METTL15: variants seen among roughly 807,000 people sequenced by gnomAD.
The protein encoded by METTL15 is 12S rRNA N(4)-cytidine methyltransferase METTL15.
Under a neutral mutation model 38.3 loss-of-function variants are expected in METTL15, and 34 were observed. That is an observed-to-expected ratio of 0.89 (90% CI 0.68 to 1.18). The LOEUF (loss-of-function observed/expected upper bound fraction) is 1.18, where lower values mean the gene tolerates loss of function less well. METTL15 is among the 50% of genes most tolerant of loss of function. The probability of loss-of-function intolerance (pLI) is 0.00; values close to 1 mark genes in which losing one functional copy is unlikely to be tolerated. For missense variants in METTL15, 438 were observed against 498.4 expected (o/e 0.88, Z 1.15); for synonymous variants, 162 against 170.9 (o/e 0.95, Z 0.41).
At chr11:28,467,830 A>G (rs1476769058) in intron 6 of METTL15, among the ~76,000 whole-genome samples, 1 of 152,234 alleles carries the variant, frequency 6.6e-6, no homozygotes, top group East Asian at 1.9e-4. Context: ...TAAAGAGGGT[A>G]GTAAGCTATA....
intron 6 of METTL15, among the ~76,000 whole-genome samples, chr11:28,500,682 C>T (rs986767417): frequency 6.6e-6 from 1 of 152,282 alleles, no homozygotes; most frequent in Middle Eastern, 3.4e-3. Flanking sequence ...ACCACCAAGC[C>T]TAGCTAATTT....
intron 3 of METTL15, among the ~76,000 whole-genome samples, chr11:28,344,847 G>A (rs528059451): frequency 5.7e-4 from 87 of 152,276 alleles, no homozygotes; most frequent in African/African-American, 2.0e-3. Context: ...TAGCCACATT[G>A]TAATTATACA....
At chr11:28,211,759 A>C (rs1177439834) in intron 4 of METTL15, among the ~76,000 whole-genome samples, 2 of 152,066 alleles carry the variant, frequency 1.3e-5, no homozygotes, top group African/African-American at 2.4e-5. Context: ...TTAAAGAAAC[A>C]TTTTGAATTA....
At chr11:28,157,677 C>T (rs1282247658) in intron 3 of METTL15, among the ~76,000 whole-genome samples, 1 of 152,130 alleles carries the variant, frequency 6.6e-6, no homozygotes, top group Non-Finnish European at 1.5e-5. Flanking sequence ...AGCATTCCAT[C>T]ATCAAATGGA....
chr11:28,139,979 C>A (rs556131321), intron 3 of METTL15, among the ~76,000 whole-genome samples: 2 of 152,020 alleles, frequency 1.3e-5, no homozygotes, highest in African/African-American at 4.8e-5. Context: ...AGACCCATGG[C>A]GGGAGTTGGT....
At chr11:28,280,725 GT>G (rs1856024229) in intron 4 of METTL15, among the ~76,000 whole-genome samples, 1 of 143,740 alleles carries the variant, frequency 7.0e-6, no homozygotes, top group Non-Finnish European at 1.5e-5. Flanking sequence ...AATCTGAATA[GT>G]TTCTAATGAA....
At chr11:28,115,957 C>CAT (rs1851935015) in intron 3 of METTL15, among the ~76,000 whole-genome samples, 1 of 151,390 alleles carries the variant, frequency 6.6e-6, no homozygotes, top group Admixed American at 6.6e-5. Context: ...CACACACACA[C>CAT]ACACACACAA....
At chr11:28,200,760 G>A (rs996807724) in intron 3 of METTL15, among the ~76,000 whole-genome samples, 12 of 152,104 alleles carry the variant, frequency 7.9e-5, no homozygotes, top group Non-Finnish European at 1.6e-4. Context: ...CATTGATTTT[G>A]TATCCTGATA....
At chr11:28,514,787 A>AT (rs1455473273) in intron 6 of METTL15, among the ~76,000 whole-genome samples, 1 of 152,174 alleles carries the variant, frequency 6.6e-6, no homozygotes, top group Non-Finnish European at 1.5e-5. Context: ...TTAAATGAGA[A>AT]TTTTACTACA....
At chr11:28,271,089 G>T (rs568036533) in intron 4 of METTL15, among the ~76,000 whole-genome samples, 2 of 152,220 alleles carry the variant, frequency 1.3e-5, no homozygotes, top group African/African-American at 4.8e-5. Flanking sequence ...TGTTATTTTA[G>T]AAATCTATTA....
At chr11:28,124,272 C>T (rs1254949275) in intron 3 of METTL15, among the ~76,000 whole-genome samples, 1 of 152,102 alleles carries the variant, frequency 6.6e-6, no homozygotes, top group East Asian at 1.9e-4. Context: ...GCCCCTTAAT[C>T]CCTTAGGACA....
chr11:28,417,982 A>G (rs1391725643), intron 5 of METTL15, among the ~76,000 whole-genome samples: 1 of 152,156 alleles, frequency 6.6e-6, no homozygotes, highest in Non-Finnish European at 1.5e-5. Flanking sequence ...TCAATCATAA[A>G]TTATTCTAAC....
chr11:28,378,761 GT>G (rs61227879), intron 5 of METTL15, among the ~76,000 whole-genome samples: 29,439 of 123,632 alleles, frequency 0.24, 2,666 homozygotes, highest in Middle Eastern at 0.29. Context: ...CTCCTCTTCA[GT>G]TTTTTTTTTT....
intron 6 of METTL15, among the ~76,000 whole-genome samples, chr11:28,501,048 T>A (rs931242164): frequency 6.6e-6 from 1 of 152,218 alleles, no homozygotes; most frequent in East Asian, 1.9e-4. Flanking sequence ...TATTCTCATA[T>A]TCCCACTATC....
chr11:28,351,800 T>G (rs1215812168), intron 3 of METTL15, among the ~76,000 whole-genome samples: 1 of 152,186 alleles, frequency 6.6e-6, no homozygotes, highest in African/African-American at 2.4e-5. Flanking sequence ...TATTGACAGG[T>G]CTTAAAGAAA....
At chr11:28,316,099 C>T (rs182401116) in intron 6 of METTL15, among the ~76,000 whole-genome samples, 5 of 152,158 alleles carry the variant, frequency 3.3e-5, no homozygotes, top group Non-Finnish European at 7.3e-5. Flanking sequence ...TCCTCCAGAC[C>T]GCAGAATGGT....
At chr11:28,377,732 A>G (rs891470296) in intron 5 of METTL15, among the ~76,000 whole-genome samples, 3 of 152,070 alleles carry the variant, frequency 2.0e-5, no homozygotes, top group Non-Finnish European at 4.4e-5. Context: ...GAGGAGAGGC[A>G]CTCTGCTTTT....
At chr11:28,251,692 C>T (rs1296162585) in intron 4 of METTL15, among the ~76,000 whole-genome samples, 2 of 151,978 alleles carry the variant, frequency 1.3e-5, no homozygotes, top group African/African-American at 4.8e-5. Context: ...ATTTTTCTTC[C>T]ATTCTACCTT....
intron 5 of METTL15, among the ~76,000 whole-genome samples, chr11:28,374,479 T>C (rs1333178472): frequency 1.4e-5 from 2 of 144,940 alleles, no homozygotes; most frequent in Admixed American, 7.3e-5. Context: ...CTGTTGTTGG[T>C]GTATAGGAAT....
Sources: allele counts gnomAD v4.1 joint callset (sites outside exome capture counted in the v4.1 genomes callset), GRCh38; gene constraint gnomAD v4.1.1; transcripts MANE v1.5; gene names NCBI Gene and HGNC (gene_info 2026-07-23, HGNC 2026-07-21).